CSMD1: variants seen among roughly 807,000 people sequenced by gnomAD.
CSMD1 encodes the protein CUB and Sushi multiple domains 1.
Under a neutral mutation model 417.5 loss-of-function variants are expected in CSMD1, and 213 were observed. The ratio of observed to expected loss-of-function variants is 0.51; its 90% CI spans 0.46 to 0.57. CSMD1 has a LOEUF of 0.57. Among genes scored for constraint, CSMD1 ranks in the 20% least tolerant of loss-of-function variants. CSMD1 has a pLI of 0.00. For synonymous variants in CSMD1, 2,862 were observed against 1,736.8 expected (o/e 1.65, Z -16.11); for missense variants, 6,923 against 4,529.7 (o/e 1.53, Z -15.17).
chr8:3,327,608 T>C (rs908750828), intron 23 of CSMD1, among the ~76,000 whole-genome samples: 4 of 152,158 alleles, frequency 2.6e-5, no homozygotes, highest in African/African-American at 9.7e-5. Context: ...CGTAGGATAA[T>C]TGTTTCAGTA....
chr8:4,344,608 T>G (rs1800676079), intron 3 of CSMD1, among the ~76,000 whole-genome samples: 1 of 151,552 alleles, frequency 6.6e-6, no homozygotes, highest in South Asian at 2.1e-4. Context: ...GGGTTATGAG[T>G]TACACTACCG....
At chr8:3,005,004 T>G (rs945438622) in intron 52 of CSMD1, among the ~76,000 whole-genome samples, 3 of 152,052 alleles carry the variant, frequency 2.0e-5, no homozygotes, top group African/African-American at 7.2e-5. Context: ...CTGAGCAAGG[T>G]GGCACATGCC....
At chr8:4,661,110 C>T (rs1179150072) in intron 1 of CSMD1, among the ~76,000 whole-genome samples, 1 of 152,158 alleles carries the variant, frequency 6.6e-6, no homozygotes, top group Non-Finnish European at 1.5e-5. Flanking sequence ...ACCAATTGTA[C>T]TACTAGGCAT....
chr8:3,985,690 A>T (rs553363539), intron 5 of CSMD1, among the ~76,000 whole-genome samples: 1 of 152,250 alleles, frequency 6.6e-6, no homozygotes, highest in Non-Finnish European at 1.5e-5. Context: ...TACAACCTCC[A>T]AGAATCAAGT....
chr8:4,466,139 G>T (rs777456004), intron 2 of CSMD1, among the ~76,000 whole-genome samples: 1 of 152,170 alleles, frequency 6.6e-6, no homozygotes, highest in Non-Finnish European at 1.5e-5. Flanking sequence ...TATAAAGAAT[G>T]AAATATTGTG....
At chr8:4,557,817 C>A (rs988632961) in intron 2 of CSMD1, among the ~76,000 whole-genome samples, 2 of 152,102 alleles carry the variant, frequency 1.3e-5, no homozygotes, top group Non-Finnish European at 2.9e-5. Context: ...CTTTTCATTT[C>A]TCGTTACGTT....
chr8:4,162,803 G>A (rs1797246949), intron 3 of CSMD1, among the ~76,000 whole-genome samples: 2 of 152,120 alleles, frequency 1.3e-5, no homozygotes, highest in Non-Finnish European at 2.9e-5. Flanking sequence ...TATTGTACAT[G>A]CTATGGGTGT....
chr8:4,942,840 C>A (rs944279308), intron 1 of CSMD1, among the ~76,000 whole-genome samples: 2 of 152,202 alleles, frequency 1.3e-5, no homozygotes, highest in Non-Finnish European at 2.9e-5. Context: ...AACTAATTCA[C>A]AGATAGTGGG....
chr8:4,498,311 A>G (rs1802079176), intron 2 of CSMD1, among the ~76,000 whole-genome samples: 1 of 152,124 alleles, frequency 6.6e-6, no homozygotes, highest in African/African-American at 2.4e-5. Context: ...TTTCTATTTT[A>G]TTTAACTATT....
At chr8:4,159,708 C>G (rs939609321) in intron 3 of CSMD1, among the ~76,000 whole-genome samples, 1 of 152,162 alleles carries the variant, frequency 6.6e-6, no homozygotes, top group African/African-American at 2.4e-5. Context: ...CCTGCCTCAG[C>G]CTCCCGAGCA....
intron 10 of CSMD1, among the ~76,000 whole-genome samples, chr8:3,534,635 C>A (rs1798116244): frequency 6.6e-6 from 1 of 151,918 alleles, no homozygotes; most frequent in African/African-American, 2.4e-5. Flanking sequence ...CAGTTGGTAT[C>A]TTGGGAATGC....
chr8:3,078,968 C>CG (rs60996373), intron 49 of CSMD1, among the ~76,000 whole-genome samples: 18,083 of 151,986 alleles, frequency 0.12, 1,076 homozygotes, highest in African/African-American at 0.15. Flanking sequence ...TCCTTCAAAA[C>CG]GGGGGGGAGC....
intron 1 of CSMD1, among the ~76,000 whole-genome samples, chr8:4,866,869 T>G (rs930948686): frequency 6.6e-6 from 1 of 151,948 alleles, no homozygotes; most frequent in African/African-American, 2.4e-5. Flanking sequence ...ATATAAAACT[T>G]TTACATTTTG....
At chr8:4,203,219 A>AC (rs1300558216) in intron 3 of CSMD1, among the ~76,000 whole-genome samples, 7 of 152,154 alleles carry the variant, frequency 4.6e-5, no homozygotes, top group African/African-American at 1.4e-4. Context: ...TTGAAGATGG[A>AC]GAAAGAAGGC....
intron 1 of CSMD1, among the ~76,000 whole-genome samples, chr8:4,667,251 T>C (rs1804997062): frequency 6.6e-6 from 1 of 152,190 alleles, no homozygotes. Context: ...TCTTGATTAC[T>C]GTAGCATGAA....
chr8:3,686,558 C>A (rs142907415), intron 7 of CSMD1, among the ~76,000 whole-genome samples: 1 of 152,128 alleles, frequency 6.6e-6, no homozygotes, highest in Non-Finnish European at 1.5e-5. Context: ...AATTCCCATA[C>A]GAAATATACT....
intron 1 of CSMD1, among the ~76,000 whole-genome samples, chr8:4,650,088 C>G (rs141671879): frequency 3.1e-4 from 47 of 152,232 alleles, no homozygotes; most frequent in Admixed American, 1.9e-3. Flanking sequence ...ATAAAAATAT[C>G]AATGACCAGC....
At chr8:4,671,997 T>C (rs561686023) in intron 1 of CSMD1, among the ~76,000 whole-genome samples, 31 of 152,272 alleles carry the variant, frequency 2.0e-4, no homozygotes, top group African/African-American at 6.5e-4. Flanking sequence ...ACATCCAGCA[T>C]GGTTTGGGTG....
At chr8:3,534,997 G>A (rs1798133319) in intron 10 of CSMD1, among the ~76,000 whole-genome samples, 2 of 152,176 alleles carry the variant, frequency 1.3e-5, no homozygotes, top group Non-Finnish European at 2.9e-5. Flanking sequence ...GCCCAGGCTG[G>A]AGTGCAGTGG....
Sources: allele counts gnomAD v4.1 joint callset (sites outside exome capture counted in the v4.1 genomes callset), GRCh38; gene constraint gnomAD v4.1.1; transcripts MANE v1.5; gene names NCBI Gene and HGNC (gene_info 2026-07-23, HGNC 2026-07-21).